The following TTLL7 variants were observed in gnomAD, a reference collection of about 807,000 sequenced individuals.
The protein encoded by TTLL7 is tubulin polyglutamylase TTLL7.
In TTLL7, 53 loss-of-function variants were observed where a neutral mutation model predicts 120.2. That is an observed-to-expected ratio of 0.44 (90% CI 0.35 to 0.55). The LOEUF is 0.55. Ranked by LOEUF, TTLL7 falls within the 20% of genes least tolerant of loss-of-function variation. The probability of loss-of-function intolerance (pLI) is 0.00; values close to 1 mark genes in which losing one functional copy is unlikely to be tolerated. For missense variants in TTLL7, 803 were observed against 1,054.7 expected (o/e 0.76, Z 3.31); for synonymous variants, 353 against 351.7 (o/e 1.00, Z -0.04).
At chr1:83,975,974 C>A (rs892497379) in intron 1 of TTLL7, among the ~76,000 whole-genome samples, 8 of 151,496 alleles carry the variant, frequency 5.3e-5, no homozygotes, top group African/African-American at 1.9e-4. Flanking sequence ...CCAGAGTGCA[C>A]AGCATGTAGT....
At chr1:83,944,804 A>G (rs1234835898) in intron 6 of TTLL7, among the ~76,000 whole-genome samples, 1 of 152,242 alleles carries the variant, frequency 6.6e-6, no homozygotes, top group Non-Finnish European at 1.5e-5. Flanking sequence ...ATAAAACAAT[A>G]GTTATAAATC....
At position 83,907,620 on chromosome 1, in the gene TTLL7, C is replaced by A. The variant is rs978335154; in HGVS notation, c.1828G>T (p.Ala610Ser). The change falls in exon 16 of 21, where the codon GCT becomes TCT. Residue 610 changes from alanine (A) to serine (S), a missense_variant. Ala to Ser is a moderately conservative substitution (Grantham distance 99). This residue lies in a region of TTLL7 where 388 missense variants were observed against 450.4 expected (regional missense o/e 0.86). Transcript: ENST00000260505. ...GTGTCCCCACTGGAAGGTGATTGAGCAGAGATGGACCGAGGGCAGCTGACT... is the reference window on the plus strand; with the variant it reads ...GTGTCCCCACTGGAAGGTGATTGAGAAGAGATGGACCGAGGGCAGCTGACT... ...RSVSCPRSIS[A>S]QSPSSGDTRP... The A allele has an allele frequency of 2.2e-5, 35 of 1,612,928 alleles. 1 individual carries two copies. The highest frequency in any genetic ancestry group is 3.0e-5 in the Non-Finnish European group (35 of 1,179,494).
chr1:83,943,152 A>G (rs1648140178), intron 6 of TTLL7, among the ~76,000 whole-genome samples: 1 of 152,200 alleles, frequency 6.6e-6, no homozygotes, highest in African/African-American at 2.4e-5. Flanking sequence ...ACTTTCAGAG[A>G]TAATTGTTGG....
intron 10 of TTLL7, among the ~76,000 whole-genome samples, chr1:83,925,146 C>G (rs887624929): frequency 4.6e-5 from 7 of 152,128 alleles, no homozygotes; most frequent in African/African-American, 1.4e-4. Context: ...CAAGGGCAAT[C>G]TATATATGAA....
intron 19 of TTLL7, chr1:83,887,353 T>C (rs1655052431): frequency 1.8e-6 from 1 of 554,886 alleles, no homozygotes; most frequent in Non-Finnish European, 2.9e-6. Flanking sequence ...ATTTTCACCA[T>C]GACCATTAGG....
intron 20 of TTLL7, among the ~76,000 whole-genome samples, chr1:83,876,687 A>G (rs925808833): frequency 6.6e-6 from 1 of 151,976 alleles, no homozygotes; most frequent in Non-Finnish European, 1.5e-5. Context: ...ATGCTTTTGA[A>G]AAAATATTTA....
chr1:83,883,511 C>A (rs1654708330), intron 19 of TTLL7, among the ~76,000 whole-genome samples: 1 of 151,854 alleles, frequency 6.6e-6, no homozygotes, highest in Non-Finnish European at 1.5e-5. Context: ...CTCATTTTAG[C>A]CTTGAAGTAG....
At position 83,882,955 on chromosome 1, in the gene TTLL7, A is replaced by G. The variant is rs1654644418; in HGVS notation, c.2543+8T>C. On this transcript the variant is annotated splice_region_variant and intron_variant, in intron 20 of 20. Transcript: ENST00000260505. Reference sequence around the variant, plus strand: ...AACTCTCAAGGGTTAGAGAATGTGAACAAGTACCTGGAATTACCCCAGTCA... The same window carrying G: ...AACTCTCAAGGGTTAGAGAATGTGAGCAAGTACCTGGAATTACCCCAGTCA... The G allele has an allele frequency of 2.5e-6, 4 of 1,608,718 alleles. No homozygotes were observed. The South Asian group carries it at 3.3e-5, about 13-fold the overall frequency.
At chr1:83,929,901 A>C (rs1490766108) in intron 9 of TTLL7, among the ~76,000 whole-genome samples, 2 of 152,140 alleles carry the variant, frequency 1.3e-5, no homozygotes, top group Non-Finnish European at 2.9e-5. Context: ...CCACCAACTA[A>C]TCCCTTAGGC....
At chr1:83,972,732 A>G (rs1309655141) in intron 1 of TTLL7, among the ~76,000 whole-genome samples, 1 of 151,990 alleles carries the variant, frequency 6.6e-6, no homozygotes, top group East Asian at 1.9e-4. Flanking sequence ...CCTCATCAGT[A>G]CTTGGTGTTG....
intron 10 of TTLL7, 149 bp downstream of exon 10, chr1:83,928,987 T>C: frequency 2.5e-6 from 1 of 392,350 alleles, no homozygotes; most frequent in Non-Finnish European, 4.4e-6. Flanking sequence ...AACCAAGAAA[T>C]GAAAAATACA....
chr1:83,906,520 T>C (rs1476046385), intron 16 of TTLL7, 57 bp from the exon 17 acceptor site: 1 of 1,606,536 alleles, frequency 6.2e-7, no homozygotes, highest in African/African-American at 1.3e-5. Context: ...TGTGCCAGTA[T>C]AATCTGAAAG....
intron 1 of TTLL7, among the ~76,000 whole-genome samples, chr1:83,995,270 T>C (rs1393351137): frequency 1.3e-5 from 2 of 151,918 alleles, no homozygotes; most frequent in Non-Finnish European, 2.9e-5. Context: ...ACAGTTTGGA[T>C]ATGGGTCCCT....
In TTLL7 at chr1:83,901,149, C is replaced by T. The variant is rs1656689779; in HGVS notation, c.2208+2930G>A. ...CTTATCTGTCTTCCTCAAACTCCTC[C>T]TCTATCCCCCACCCAATTGCCCTCT... is the stretch of plus-strand genomic sequence containing the variant. On this transcript the variant is annotated intron_variant, in intron 18 of 20. Coordinates refer to ENST00000260505, the MANE Select transcript of TTLL7 (RefSeq NM_024686.6). Among the ~76,000 whole-genome samples the T allele has an allele frequency of 2.0e-5, 3 of 151,876 alleles. No homozygotes were observed. The South Asian group carries it at 6.2e-4, about 31-fold the overall frequency.
At chr1:83,909,256 ACTTTTTTTTTTC>A (rs1206161910) in intron 15 of TTLL7, among the ~76,000 whole-genome samples, 312 of 91,878 alleles carry the variant, frequency 3.4e-3, no homozygotes, top group African/African-American at 1.0e-2. Context: ...ATCACAGATT[ACTTTTTTTTTTC>A]CTTTTTTTTT....
At chr1:83,959,818 C>A (rs958091420) in intron 1 of TTLL7, among the ~76,000 whole-genome samples, 1 of 152,108 alleles carries the variant, frequency 6.6e-6, no homozygotes, top group Non-Finnish European at 1.5e-5. Flanking sequence ...AAATACTATA[C>A]ATCAGTGATA....
chr1:83,990,240 A>G (rs1415611998), intron 1 of TTLL7, among the ~76,000 whole-genome samples: 5 of 149,838 alleles, frequency 3.3e-5, no homozygotes, highest in African/African-American at 1.2e-4. Flanking sequence ...CAGTGGCGCA[A>G]TCTCGGCTCA....
intron 13 of TTLL7, 52 bp from the exon 14 acceptor site, chr1:83,917,742 T>G (rs994363369): frequency 4.0e-6 from 5 of 1,255,976 alleles, no homozygotes; most frequent in Admixed American, 1.9e-5. Context: ...CTCTAGAATT[T>G]TTCCAAGTTG....
intron 1 of TTLL7, among the ~76,000 whole-genome samples, chr1:83,978,088 T>TA (rs1160215529): frequency 1.3e-5 from 2 of 152,186 alleles, no homozygotes; most frequent in Non-Finnish European, 2.9e-5. Flanking sequence ...ATTTATGGGA[T>TA]AAAAATTAGG....
Sources: gnomAD v4.1 joint callset for allele counts (sites outside exome capture counted in the v4.1 genomes callset) on GRCh38, gnomAD v4.1.1 for gene constraint, gnomAD v4.1.1 regional missense constraint, MANE v1.5 for transcripts, NCBI Gene and HGNC (gene_info 2026-07-23, HGNC 2026-07-21) for gene names.